The following SYNE1 variants were observed in gnomAD, a reference collection of about 807,000 sequenced individuals.
SYNE1 encodes the protein nesprin-1.
A neutral mutation model predicts 1,111.0 loss-of-function variants in SYNE1; 616 were observed. The ratio of observed to expected loss-of-function variants is 0.55; its 90% CI spans 0.52 to 0.59. SYNE1 has a LOEUF of 0.59. SYNE1 is among the 20% of genes least tolerant of loss of function. The probability of loss-of-function intolerance (pLI) is 0.00; values close to 1 mark genes in which losing one functional copy is unlikely to be tolerated. For synonymous variants in SYNE1, 3,855 were observed against 3,825.8 expected (o/e 1.01, Z -0.28); for missense variants, 10,006 against 10,417.0 (o/e 0.96, Z 1.72).
rs768605521 is a variant in SYNE1, at chr6:152,463,507, C to T, written c.1943G>A (p.Arg648Gln). 139 of 1,612,432 alleles carry T rather than the reference C, an allele frequency of 8.6e-5. No homozygotes were observed. The highest frequency in any genetic ancestry group is 1.6e-4 in the Middle Eastern group (1 of 6,074). The change falls in exon 19 of 146, where the codon CGA becomes CAA. Residue 648 changes from arginine to glutamine, a missense_variant. Physicochemically the swap from Arg to Gln is conservative, Grantham distance 43 (BLOSUM62 1). Around this residue, in one of 7 missense-constraint regions of SYNE1, gnomAD observed 1,971 missense variants for 2,084.1 expected, o/e 0.95. Transcript: ENST00000367255. ...QSENAKKDFF[R>Q]NLPHWIQQHT... The stretch of plus-strand genomic sequence containing the variant: ...CTGCTGAATCCAATGAGGTAAATTT[C>T]GAAAAAAATCCTAAACAATAAATAA...
intron 5 of SYNE1, among the ~76,000 whole-genome samples, chr6:152,525,112 G>A (rs534534922): frequency 2.0e-5 from 3 of 152,204 alleles, no homozygotes; most frequent in Non-Finnish European, 2.9e-5. Flanking sequence ...TGCTACCTGG[G>A]AATCCAATTA....
intron 10 of SYNE1, among the ~76,000 whole-genome samples, chr6:152,500,235 T>C (rs530540405): frequency 6.6e-6 from 1 of 152,232 alleles, no homozygotes; most frequent in Admixed American, 6.5e-5. Context: ...ATAGAGTTTC[T>C]TATTCACACA....
intron 82 of SYNE1, 79 bp downstream of exon 82, chr6:152,323,399 T>A (rs990065800): frequency 3.8e-6 from 6 of 1,583,506 alleles, no homozygotes; most frequent in Non-Finnish European, 5.1e-6. Context: ...AGATCACACA[T>A]TTGCACTCCA....
chr6:152,277,180 G>A (rs374823187), intron 98 of SYNE1, among the ~76,000 whole-genome samples: 11 of 150,442 alleles, frequency 7.3e-5, no homozygotes, highest in African/African-American at 2.2e-4. Flanking sequence ...GTGAGCCACC[G>A]CACCTGGCCT....
intron 11 of SYNE1, among the ~76,000 whole-genome samples, chr6:152,497,882 C>T (rs1397285096): frequency 6.6e-6 from 1 of 152,162 alleles, no homozygotes. Flanking sequence ...AAATTCCAAG[C>T]AGCTATACTG....
Position 152,502,758 on chromosome 6 carries a change from A to C in SYNE1, c.779-16T>G. 6.5e-7 allele frequency: 1 copy of C among 1,547,300 alleles called. No homozygotes were observed. The highest frequency in any genetic ancestry group is 1.1e-5 in the South Asian group (1 of 89,700). ...ACATCAACGTCTGAAAAAACAAAAA[A>C]GAAATGTGAATAAACTAATTAGCAT... On this transcript the variant is annotated splice_polypyrimidine_tract_variant and intron_variant, in intron 9 of 145. Coordinates refer to ENST00000367255, the MANE Select transcript of SYNE1 (RefSeq NM_182961.4).
chr6:152,563,445 A>G (rs1268859708), intron 3 of SYNE1, among the ~76,000 whole-genome samples: 2 of 152,040 alleles, frequency 1.3e-5, no homozygotes, highest in South Asian at 2.1e-4. Flanking sequence ...ACTTTTGGTG[A>G]AAAAAAAGAG....
At chr6:152,154,464 A>ACC (rs1322581503) in intron 133 of SYNE1, among the ~76,000 whole-genome samples, 2 of 151,678 alleles carry the variant, frequency 1.3e-5, no homozygotes, top group African/African-American at 2.4e-5. Flanking sequence ...ACACACACAC[A>ACC]CACACACACA....
chr6:152,536,040 A>G (rs931761029), intron 4 of SYNE1, among the ~76,000 whole-genome samples: 20 of 151,944 alleles, frequency 1.3e-4, no homozygotes, highest in Non-Finnish European at 1.0e-4. Flanking sequence ...CTTATCCCAA[A>G]GTTAGACACA....
intron 3 of SYNE1, among the ~76,000 whole-genome samples, chr6:152,563,266 C>T (rs1346602910): frequency 2.0e-5 from 3 of 152,128 alleles, no homozygotes; most frequent in Non-Finnish European, 2.9e-5. Context: ...ACTCTCCTAG[C>T]AGCATTCTCC....
intron 140 of SYNE1, among the ~76,000 whole-genome samples, chr6:152,137,682 C>T (rs2057383008): frequency 6.6e-6 from 1 of 152,162 alleles, no homozygotes; most frequent in African/African-American, 2.4e-5. Flanking sequence ...GTCACATTGA[C>T]CTAGGCTGCA....
chr6:152,401,266 C>A lies in SYNE1; in HGVS notation c.6901G>T (p.Asp2301Tyr), dbSNP rs759275108. 6.2e-7 allele frequency: 1 copy of A among 1,614,128 alleles called. No individual in the cohort carries two copies. The highest frequency in any genetic ancestry group is 2.2e-5 in the East Asian group (1 of 44,870). Reference protein sequence around the residue: ...ITEVAKGTLKDFTAQSTQVEK... With the variant: ...ITEVAKGTLKYFTAQSTQVEK... ...ACTTGTGTACTTTGAGCCGTGAAATCCTTCAGGGTTCCTTTTGCTACTTCA... is the reference window on the plus strand; with the variant it reads ...ACTTGTGTACTTTGAGCCGTGAAATACTTCAGGGTTCCTTTTGCTACTTCA... The change falls in exon 47 of 146, where the codon GAT becomes TAT. Residue 2301 changes from aspartate (D) to tyrosine (Y), a missense_variant. Physicochemically the swap from Asp to Tyr is radical, Grantham distance 160. Transcript: ENST00000367255.
intron 4 of SYNE1, among the ~76,000 whole-genome samples, chr6:152,537,340 A>G (rs2099248338): frequency 6.6e-6 from 1 of 152,158 alleles, no homozygotes; most frequent in African/African-American, 2.4e-5. Flanking sequence ...TTAATGATCT[A>G]ACATTTGTGT....
At chr6:152,138,955 T>C (rs568572186) in intron 140 of SYNE1, among the ~76,000 whole-genome samples, 10 of 152,322 alleles carry the variant, frequency 6.6e-5, no homozygotes, top group African/African-American at 2.4e-4. Flanking sequence ...GTTTTATTTA[T>C]TACAGCAAAA....
At chr6:152,345,183 CT>C (rs2096608919) in intron 73 of SYNE1, among the ~76,000 whole-genome samples, 1 of 152,176 alleles carries the variant, frequency 6.6e-6, no homozygotes, top group African/African-American at 2.4e-5. Context: ...ATTTCATCCA[CT>C]TTTTAAATTT....
In SYNE1 at chr6:152,568,035, A is replaced by T. The variant is rs536002222; in HGVS notation, c.68-28014T>A. On this transcript the variant is annotated intron_variant, in intron 3 of 145. Transcript: ENST00000367255. ...GAAAATAGAAAAAAAAATCATTGAG[A>T]ACCTCTCTTTACACCAAAATAAATA... Among the ~76,000 whole-genome samples, 18 of 152,240 alleles carry T rather than the reference A, an allele frequency of 1.2e-4. No homozygotes were observed. The East Asian group carries it at 3.5e-3, about 29-fold the overall frequency.
intron 126 of SYNE1, among the ~76,000 whole-genome samples, chr6:152,202,313 C>T (rs540735991): frequency 9.7e-5 from 13 of 133,908 alleles, no homozygotes; most frequent in Non-Finnish European, 1.7e-4. Flanking sequence ...CACCACTGCA[C>T]TCCAGTCTAG....
At chr6:152,569,673 C>T (rs1323362727) in intron 3 of SYNE1, among the ~76,000 whole-genome samples, 1 of 152,128 alleles carries the variant, frequency 6.6e-6, no homozygotes, top group African/African-American at 2.4e-5. Context: ...AAAGAATATA[C>T]ACAAGCTGCA....
At chr6:152,126,172 C>T (rs1229972501) in intron 145 of SYNE1, 1 of 152,168 alleles carries the variant, frequency 6.6e-6, no homozygotes, top group African/African-American at 2.4e-5. Flanking sequence ...AGAGAACACA[C>T]AATATTCAGT....
Sources: gnomAD v4.1 joint callset for allele counts (sites outside exome capture counted in the v4.1 genomes callset) on GRCh38, gnomAD v4.1.1 for gene constraint, gnomAD v4.1.1 regional missense constraint, MANE v1.5 for transcripts, NCBI Gene and HGNC (gene_info 2026-07-23, HGNC 2026-07-21) for gene names.